DDX47: variants seen among roughly 807,000 people sequenced by gnomAD.
DDX47 encodes the protein DEAD-box helicase 47, also known as probable ATP-dependent RNA helicase DDX47.
A neutral mutation model predicts 58.8 loss-of-function variants in DDX47; 60 were observed. The observed-to-expected ratio is 1.02, with a 90% CI of 0.83 to 1.26. The LOEUF (loss-of-function observed/expected upper bound fraction) is 1.26. DDX47 is among the 50% of genes most tolerant of loss of function. The pLI, the probability that DDX47 is intolerant of heterozygous loss-of-function variation, is 0.00. For synonymous variants in DDX47, 197 were observed against 204.6 expected (o/e 0.96, Z 0.32); for missense variants, 530 against 573.2 (o/e 0.92, Z 0.77).
intron 11 of DDX47, among the ~76,000 whole-genome samples, chr12:12,828,543 C>G (rs879161458): frequency 4.6e-5 from 7 of 152,248 alleles, no homozygotes; most frequent in Admixed American, 3.9e-4. Context: ...AGAGGAAAAC[C>G]ATTGGAAGTG....
In DDX47 at chr12:12,821,339, G is replaced by A. The variant is rs759909940; in HGVS notation, c.313G>A (p.Ala105Thr). The change falls in exon 3 of 12, where the codon GCC (alanine) becomes ACC (threonine). Residue 105 changes from alanine to threonine, a missense_variant. Transcript: ENST00000358007. ...AGTTCTTACCCCGACTCGGGAGCTG[G>A]CCTTTCAGATCTCAGAGCAGTTTGA... ...ALVLTPTREL[A>T]FQISEQFEAL... The A allele has an allele frequency of 3.7e-6, 6 of 1,614,120 alleles. No individual in the cohort carries two copies. The highest frequency in any genetic ancestry group is 5.1e-6 in the Non-Finnish European group (6 of 1,180,050).
intron 8 of DDX47, chr12:12,824,224 C>T: frequency 1.6e-6 from 1 of 642,956 alleles, no homozygotes; most frequent in Non-Finnish European, 2.5e-6. Flanking sequence ...TCATATGTAC[C>T]TGTCTGGTTT....
intron 2 of DDX47, among the ~76,000 whole-genome samples, chr12:12,819,041 C>T (rs950415175): frequency 6.6e-6 from 1 of 152,162 alleles, no homozygotes; most frequent in Non-Finnish European, 1.5e-5. Flanking sequence ...CCTGGTTTAA[C>T]TGATTAATGT....
chr12:12,821,811 C>T, intron 4 of DDX47, 85 bp downstream of exon 4: 1 of 1,315,050 alleles, frequency 7.6e-7, no homozygotes, highest in Non-Finnish European at 1.1e-6. Context: ...CTTTGAGAAA[C>T]AGATTTTGTA....
At chr12:12,818,618 G>C (rs1303656645) in intron 2 of DDX47, among the ~76,000 whole-genome samples, 1 of 152,172 alleles carries the variant, frequency 6.6e-6, no homozygotes, top group Non-Finnish European at 1.5e-5. Context: ...TGAAAAGAAG[G>C]CTAAAGAATA....
At chr12:12,821,791 G>T (rs1356836871) in intron 4 of DDX47, 65 bp downstream of exon 4, 7 of 1,378,408 alleles carry the variant, frequency 5.1e-6, no homozygotes, top group Non-Finnish European at 6.1e-6. Flanking sequence ...ACCAGTGTTG[G>T]ATAGAAAGAC....
intron 2 of DDX47, among the ~76,000 whole-genome samples, chr12:12,819,199 T>G (rs1331755659): frequency 6.6e-6 from 1 of 152,200 alleles, no homozygotes; most frequent in Non-Finnish European, 1.5e-5. Context: ...AGTCTCTTCT[T>G]CTGGTTCTTT....
In DDX47 at chr12:12,829,298, T is replaced by C; in HGVS notation, c.1237-125T>C. 5.7e-6 allele frequency: 6 copies of C among 1,052,406 alleles called. No homozygotes were observed. The South Asian group carries it at 1.2e-4, about 21-fold the overall frequency. The allele number at this position is 1,052,406 out of a possible 1,614,324, so 65.2% of individuals were successfully genotyped here. On this transcript the variant is annotated intron_variant, in intron 11 of 11. Coordinates refer to ENST00000358007, the MANE Select transcript of DDX47 (RefSeq NM_016355.4). ...TTGTATATTTGGAGTTGGGTCTTGT[T>C]CCTTTGCTAATGTCAGGCATCAGCA...
intron 10 of DDX47, 35 bp from the exon 11 acceptor site, chr12:12,827,211 C>A: frequency 6.2e-7 from 1 of 1,602,828 alleles, no homozygotes; most frequent in South Asian, 1.1e-5. Context: ...TTTGCGTTAC[C>A]AGGCAACCAG....
chr12:12,825,316 A>G (rs182912143), intron 9 of DDX47, among the ~76,000 whole-genome samples: 19 of 152,292 alleles, frequency 1.2e-4, no homozygotes, highest in African/African-American at 4.3e-4. Flanking sequence ...CCTTGGCACT[A>G]TTAACATTTT....
At position 12,826,012 on chromosome 12, in the gene DDX47, C is replaced by T. The variant is rs746073969; in HGVS notation, c.1048C>T (p.Arg350Ter). The T allele has an allele frequency of 3.1e-6, 5 of 1,612,074 alleles. No homozygotes were observed. Among genetic ancestry groups the T allele is most frequent in the Non-Finnish European group, 4.2e-6 (5 of 1,179,082 alleles). ...CTTTTTGTTTTAGGATTACATCCAT[C>T]GAGTAGGTCGAACAGCTAGAGCTGG... is the stretch of plus-strand genomic sequence containing the variant. ...IPTHSKDYIH[R>*]VGRTARAGRS... The change falls in exon 10 of 12, where the codon CGA becomes TGA. Residue 350 changes from arginine to a stop codon, truncating the protein, a stop_gained. Transcript: ENST00000358007. LOFTEE classifies it high-confidence loss of function.
chr12:12,827,403 T>C, intron 11 of DDX47, 28 bp downstream of exon 11: 1 of 1,612,850 alleles, frequency 6.2e-7, no homozygotes, highest in Non-Finnish European at 8.5e-7. Context: ...CTCACCAGTG[T>C]CTGTGCAAAC....
intron 11 of DDX47, 123 bp downstream of exon 11, chr12:12,827,498 G>A (rs758470223): frequency 1.2e-5 from 14 of 1,178,634 alleles, no homozygotes; most frequent in Non-Finnish European, 1.7e-5. Flanking sequence ...AATTTAAGAC[G>A]AGCAAACTAA....
chr12:12,817,100 C>A (rs1862907871), intron 2 of DDX47, among the ~76,000 whole-genome samples: 1 of 152,118 alleles, frequency 6.6e-6, no homozygotes. Flanking sequence ...AGAAATGATT[C>A]AAATAATCTG....
intron 6 of DDX47, 48 bp downstream of exon 6, chr12:12,822,780 T>C (rs1308492756): frequency 6.8e-7 from 1 of 1,460,492 alleles, no homozygotes; most frequent in Admixed American, 1.7e-5. Context: ...AATTGATACA[T>C]AAAGTAAATA....
Position 12,824,537 on chromosome 12 carries a change from C to T in DDX47, c.898-3C>T. The T allele has an allele frequency of 1.2e-6, 2 of 1,605,240 alleles. No individual in the cohort carries two copies. Among genetic ancestry groups the T allele is most frequent in the South Asian group, 1.1e-5 (1 of 88,888 alleles). ...TTCCAACATTTCTTTTTCATTACCT[C>T]AGAGTAAGCGCCTAGGATCCCTTAA... On this transcript the variant is annotated splice_polypyrimidine_tract_variant and splice_region_variant and intron_variant, in intron 8 of 11. Coordinates refer to ENST00000358007, the MANE Select transcript of DDX47 (RefSeq NM_016355.4).
intron 9 of DDX47, chr12:12,825,035 C>T (rs1235682543): frequency 2.4e-5 from 4 of 163,472 alleles, no homozygotes; most frequent in East Asian, 1.8e-4. Context: ...AGTGCAGTGG[C>T]GCAATCTTGG....
chr12:12,825,983 T>A lies in DDX47; in HGVS notation c.1036-17T>A, dbSNP rs1863046408. ...ATAATCCATATAACTTGAATTTATT[T>A]ACCCTTTTTGTTTTAGGATTACATC... is the stretch of plus-strand genomic sequence containing the variant. On this transcript the variant is annotated splice_polypyrimidine_tract_variant and intron_variant, in intron 9 of 11. Transcript: ENST00000358007. 1.2e-6 allele frequency: 2 copies of A among 1,600,036 alleles called. No individual in the cohort carries two copies. Among genetic ancestry groups the A allele is most frequent in the Admixed American group, 1.7e-5 (1 of 57,934 alleles).
At chr12:12,816,779 G>C (rs919448170) in intron 2 of DDX47, among the ~76,000 whole-genome samples, 2 of 152,228 alleles carry the variant, frequency 1.3e-5, no homozygotes, top group Non-Finnish European at 2.9e-5. Flanking sequence ...ACCGTATAAA[G>C]GCCAGTGGTG....
Sources: gnomAD v4.1 joint callset for allele counts (sites outside exome capture counted in the v4.1 genomes callset) on GRCh38, gnomAD v4.1.1 for gene constraint, MANE v1.5 for transcripts, NCBI Gene and HGNC (gene_info 2026-07-23, HGNC 2026-07-21) for gene names.